Variants in PRKCE observed in about 807,000 individuals in gnomAD.
PRKCE encodes the protein protein kinase C epsilon.
Under a neutral mutation model 85.4 loss-of-function variants are expected in PRKCE, and 16 were observed. The observed-to-expected ratio is 0.19, with a 90% CI of 0.13 to 0.28. The LOEUF (loss-of-function observed/expected upper bound fraction) is 0.28. Ranked by LOEUF, PRKCE falls within the 10% of genes least tolerant of loss-of-function variation. The pLI, the probability that PRKCE is intolerant of heterozygous loss-of-function variation, is 1.00. For missense variants in PRKCE, 573 were observed against 975.2 expected, an observed-to-expected ratio of 0.59 and a Z score of 5.49; for synonymous variants, 388 against 371.5, an observed-to-expected ratio of 1.04 and a Z score of -0.51.
intron 14 of PRKCE, among the ~76,000 whole-genome samples, chr2:46,176,927 G>A (rs1679483708): frequency 1.3e-5 from 2 of 152,196 alleles, no homozygotes; most frequent in South Asian, 4.1e-4. Context: ...AATGGCATTT[G>A]CATTGTATTT....
chr2:46,090,401 T>C (rs4953305), intron 11 of PRKCE, among the ~76,000 whole-genome samples: 5,859 of 152,234 alleles, frequency 0.038, 160 homozygotes, highest in East Asian at 0.11. Context: ...TTGTGCATTT[T>C]GCTTGTTCCC....
intron 2 of PRKCE, among the ~76,000 whole-genome samples, chr2:45,886,819 A>G (rs182381684): frequency 6.6e-6 from 1 of 152,340 alleles, no homozygotes; most frequent in East Asian, 1.9e-4. Context: ...AGTGTGGGAA[A>G]AGGTCCCTCT....
chr2:46,048,117 C>T (rs1374949511), intron 10 of PRKCE, among the ~76,000 whole-genome samples: 1 of 152,168 alleles, frequency 6.6e-6, no homozygotes, highest in African/African-American at 2.4e-5. Flanking sequence ...CCTCCCACCC[C>T]CTGCCCCTTC....
chr2:45,734,750 A>C (rs116050707), intron 1 of PRKCE, among the ~76,000 whole-genome samples: 2,064 of 152,070 alleles, frequency 0.014, 45 homozygotes, highest in African/African-American at 0.047. Context: ...AACTGCTGGG[A>C]GTGTGGGCTG....
chr2:45,920,308 C>G (rs1698156020), intron 2 of PRKCE, among the ~76,000 whole-genome samples: 1 of 152,192 alleles, frequency 6.6e-6, no homozygotes, highest in South Asian at 2.1e-4. Context: ...CACTCAGTAA[C>G]CCAATACAGG....
intron 1 of PRKCE, among the ~76,000 whole-genome samples, chr2:45,792,693 A>G (rs1687125930): frequency 6.6e-6 from 1 of 152,094 alleles, no homozygotes; most frequent in African/African-American, 2.4e-5. Context: ...GGGGTTAAGG[A>G]GAGTTTCTTT....
intron 1 of PRKCE, among the ~76,000 whole-genome samples, chr2:45,771,375 C>T (rs1685313669): frequency 6.6e-6 from 1 of 152,164 alleles, no homozygotes; most frequent in African/African-American, 2.4e-5. Flanking sequence ...GGAAGAGCCT[C>T]TCAGACAGCT....
At chr2:46,062,126 T>C (rs1244410337) in intron 10 of PRKCE, among the ~76,000 whole-genome samples, 1 of 152,030 alleles carries the variant, frequency 6.6e-6, no homozygotes, top group Non-Finnish European at 1.5e-5. Context: ...CCTCCCAAAG[T>C]GCTGGGATTA....
chr2:45,839,461 G>C (rs907371203), intron 1 of PRKCE, among the ~76,000 whole-genome samples: 1 of 152,206 alleles, frequency 6.6e-6, no homozygotes, highest in Non-Finnish European at 1.5e-5. Context: ...TGAGGTCCAA[G>C]GAGGTTTGAT....
intron 2 of PRKCE, among the ~76,000 whole-genome samples, chr2:45,956,500 G>C (rs1034615705): frequency 6.6e-6 from 1 of 151,388 alleles, no homozygotes; most frequent in Admixed American, 6.6e-5. Context: ...ACCAATAATG[G>C]TGAAACCCTG....
intron 14 of PRKCE, among the ~76,000 whole-genome samples, chr2:46,180,691 C>T (rs1316754863): frequency 6.6e-6 from 1 of 152,244 alleles, no homozygotes; most frequent in Non-Finnish European, 1.5e-5. Context: ...TGAGTGCACT[C>T]TGTATGCCAG....
At chr2:45,784,834 A>T (rs957034357) in intron 1 of PRKCE, among the ~76,000 whole-genome samples, 5 of 152,224 alleles carry the variant, frequency 3.3e-5, no homozygotes, top group African/African-American at 1.2e-4. Flanking sequence ...ACTGTGAAGG[A>T]GAAGGGGAGA....
intron 1 of PRKCE, among the ~76,000 whole-genome samples, chr2:45,833,568 C>G (rs1164494881): frequency 2.0e-5 from 3 of 152,226 alleles, no homozygotes; most frequent in African/African-American, 7.2e-5. Context: ...TGCTGACATT[C>G]AACTTGTAAG....
chr2:45,797,378 A>C (rs1687523728), intron 1 of PRKCE, among the ~76,000 whole-genome samples: 1 of 152,218 alleles, frequency 6.6e-6, no homozygotes, highest in Admixed American at 6.5e-5. Flanking sequence ...CGGTAACCAC[A>C]CACCCTGGTT....
At chr2:45,908,900 C>T (rs770791986) in intron 2 of PRKCE, among the ~76,000 whole-genome samples, 24 of 152,120 alleles carry the variant, frequency 1.6e-4, no homozygotes, top group Admixed American at 3.3e-4. Context: ...TCCTCTGAGC[C>T]CCGCAGTCCT....
In PRKCE at chr2:45,651,842, G is replaced by T; in HGVS notation, c.-259G>T. ...TCTGGAGGTGCAGCTGGTGGTCGGGGGGAGAGACTTGCTCCAAACACGGAC... is the reference window on the plus strand; with the variant it reads ...TCTGGAGGTGCAGCTGGTGGTCGGGTGGAGAGACTTGCTCCAAACACGGAC... On this transcript the variant is annotated 5_prime_UTR_variant, in exon 1 of 15. Transcript: ENST00000306156. The T allele has an allele frequency of 2.7e-6, 1 of 371,714 alleles. No individual in the cohort carries two copies. The highest frequency in any genetic ancestry group is 4.9e-6 in the Non-Finnish European group (1 of 205,274). 23.0% of individuals were successfully genotyped at this position (371,714 alleles called of 1,614,324 possible).
At chr2:45,679,896 A>G (rs1332119946) in intron 1 of PRKCE, among the ~76,000 whole-genome samples, 1 of 152,230 alleles carries the variant, frequency 6.6e-6, no homozygotes, top group Non-Finnish European at 1.5e-5. Flanking sequence ...AAGTCCTTGT[A>G]GAGCAAAGGG....
chr2:45,780,194 A>T (rs1329946983), intron 1 of PRKCE, among the ~76,000 whole-genome samples: 2 of 152,256 alleles, frequency 1.3e-5, no homozygotes, highest in African/African-American at 4.8e-5. Flanking sequence ...TGAACAGCTG[A>T]TGTGCTTGAA....
intron 10 of PRKCE, among the ~76,000 whole-genome samples, chr2:46,017,866 C>G (rs1482081501): frequency 6.6e-6 from 1 of 152,188 alleles, no homozygotes; most frequent in African/African-American, 2.4e-5. Context: ...TTGTTTGCAA[C>G]AGAACCCAGA....
Sources: gnomAD v4.1 joint callset for allele counts (sites outside exome capture counted in the v4.1 genomes callset) on GRCh38, gnomAD v4.1.1 for gene constraint, MANE v1.5 for transcripts, NCBI Gene and HGNC (gene_info 2026-07-23, HGNC 2026-07-21) for gene names.